TTC39C: variants seen among roughly 807,000 people sequenced by gnomAD.
TTC39C encodes the protein tetratricopeptide repeat protein 39C.
TTC39C carries 33 observed loss-of-function variants against 76.3 expected under a neutral mutation model. The ratio of observed to expected loss-of-function variants is 0.43; its 90% confidence interval spans 0.33 to 0.58. The LOEUF is 0.58. Ranked by LOEUF, TTC39C falls within the 20% of genes least tolerant of loss-of-function variation. The pLI is 0.04. For synonymous variants in TTC39C, 254 were observed against 260.6 expected (o/e 0.97, Z 0.24); for missense variants, 595 against 701.4 (o/e 0.85, Z 1.71).
chr18:24,000,686 G>T (rs1225053758), intron 1 of TTC39C: 2 of 152,210 alleles, frequency 1.3e-5, no homozygotes, highest in Non-Finnish European at 2.9e-5. Context: ...CATGAGACCT[G>T]TGCAGTCACA....
At chr18:24,026,673 C>A (rs532196463) in intron 1 of TTC39C, among the ~76,000 whole-genome samples, 116 of 152,238 alleles carry the variant, frequency 7.6e-4, no homozygotes, top group African/African-American at 2.8e-3. Flanking sequence ...CAGGAAGATA[C>A]GAGTCTGAGC....
chr18:24,002,579 G>A (rs12954281), intron 1 of TTC39C, among the ~76,000 whole-genome samples: 143,490 of 152,242 alleles, frequency 0.94, 68,111 homozygotes, highest in East Asian at 1. Context: ...TTTTTAATGT[G>A]TGGGGATTTC....
Position 24,110,658 on chromosome 18 carries a change from T to C in TTC39C, c.985-3896T>C, listed in dbSNP as rs76637076. On this transcript the variant is annotated intron_variant, in intron 6 of 13. Transcript: ENST00000317571. ...AAGAACTAAAAAATACCTAGGAATA[T>C]ACCTACAAGAGGGCAGGCTGGAATA... Among the ~76,000 whole-genome samples, 1,089 of 152,274 alleles carry C rather than the reference T, an allele frequency of 7.2e-3. 5 individuals carry two copies. The highest frequency in any genetic ancestry group is 0.011 in the Non-Finnish European group (726 of 68,018).
intron 9 of TTC39C, 76 bp downstream of exon 9, chr18:24,124,019 G>A: frequency 3.7e-6 from 4 of 1,072,324 alleles, no homozygotes; most frequent in Non-Finnish European, 5.4e-6. Context: ...GCAAGCTTTA[G>A]GAAATTATAT....
intron 6 of TTC39C, among the ~76,000 whole-genome samples, chr18:24,105,771 C>T (rs1191265943): frequency 1.3e-5 from 2 of 152,238 alleles, no homozygotes; most frequent in Non-Finnish European, 2.9e-5. Context: ...TTTCCCACGG[C>T]TGCCATAACA....
chr18:24,134,553 G>A lies in TTC39C; in HGVS notation c.*1979G>A, dbSNP rs1398672457. ...GCCTCCCAAAGAGCTGGGATTACTG[G>A]TGTGAGCCACCGTGCCCGGCCTGGA... is the stretch of plus-strand genomic sequence containing the variant. On this transcript the variant is annotated 3_prime_UTR_variant, in exon 14 of 14. Coordinates refer to ENST00000317571, the MANE Select transcript of TTC39C (RefSeq NM_001135993.2). 6.6e-6 allele frequency: 1 copy of A among 152,104 alleles called. No individual in the cohort carries two copies. The highest frequency in any genetic ancestry group is 2.4e-5 in the African/African-American group (1 of 41,378). 9.4% of individuals were successfully genotyped at this position (152,104 alleles called of 1,614,324 possible).
intron 1 of TTC39C, among the ~76,000 whole-genome samples, chr18:23,996,128 T>C (rs1183794059): frequency 1.3e-5 from 2 of 152,230 alleles, no homozygotes; most frequent in African/African-American, 4.8e-5. Context: ...TGGAACTTCA[T>C]TGGGGTTTAG....
chr18:24,050,494 G>A (rs113943972), intron 1 of TTC39C, among the ~76,000 whole-genome samples: 2,753 of 147,894 alleles, frequency 0.019, 76 homozygotes, highest in African/African-American at 0.065. Context: ...AGCCCGGGAG[G>A]TCAAGGCTGC....
At chr18:24,130,228 CT>C in intron 11 of TTC39C, 84 bp from the exon 12 acceptor site, 1 of 630,680 alleles carries the variant, frequency 1.6e-6, no homozygotes, top group Non-Finnish European at 2.7e-6. Flanking sequence ...ATGAGTCCCC[CT>C]TCCCGCCCCC....
At chr18:24,003,389 C>T (rs1178794562) in intron 1 of TTC39C, among the ~76,000 whole-genome samples, 2 of 152,176 alleles carry the variant, frequency 1.3e-5, no homozygotes, top group Non-Finnish European at 2.9e-5. Flanking sequence ...GTCTGTCTCA[C>T]CCACTAGACT....
At chr18:24,062,952 G>A (rs1252171564) in intron 1 of TTC39C, among the ~76,000 whole-genome samples, 2 of 152,178 alleles carry the variant, frequency 1.3e-5, no homozygotes, top group African/African-American at 2.4e-5. Flanking sequence ...ATGTAAGTGT[G>A]CACCTTCTCT....
intron 1 of TTC39C, among the ~76,000 whole-genome samples, chr18:24,062,176 G>A (rs190741999): frequency 5.3e-5 from 8 of 152,156 alleles, no homozygotes; most frequent in Admixed American, 1.3e-4. Flanking sequence ...ATTAATTGCC[G>A]CAGCTCTCAG....
rs148757317 is a variant in TTC39C, at chr18:24,077,156, G to A, written c.461-3429G>A. The A allele has an allele frequency of 3.3e-3, 509 of 152,664 alleles. 4 individuals are homozygous for A. The highest frequency in any genetic ancestry group is 0.011 in the African/African-American group (474 of 41,540). The allele number at this position is 152,664 out of a possible 1,614,324, so 9.5% of individuals were successfully genotyped here. On this transcript the variant is annotated intron_variant, in intron 4 of 13. Transcript: ENST00000317571. ...CCCTGCTTCACTCTGCCTCCAAGCC[G>A]CTCGCCCATCTGCTCCTTCCTACTG...
At chr18:24,125,349 T>C in intron 9 of TTC39C, 78 bp from the exon 10 acceptor site, 2 of 1,566,054 alleles carry the variant, frequency 1.3e-6, no homozygotes, top group Admixed American at 3.6e-5. Context: ...AACTGTGTGC[T>C]TTTAAAGTGT....
At chr18:24,019,145 C>T (rs896893118) in intron 1 of TTC39C, among the ~76,000 whole-genome samples, 2 of 152,128 alleles carry the variant, frequency 1.3e-5, no homozygotes, top group Admixed American at 1.3e-4. Context: ...GAGCGTGAGA[C>T]GTTTGGAGCT....
At position 24,080,570 on chromosome 18, in the gene TTC39C, C is replaced by T. The variant is rs753867644; in HGVS notation, c.461-15C>T. 11 of 1,538,082 alleles carry T rather than the reference C, an allele frequency of 7.2e-6. No individual in the cohort carries two copies. Among genetic ancestry groups the T allele is most frequent in the Non-Finnish European group, 8.8e-6 (10 of 1,136,456 alleles). On this transcript the variant is annotated splice_polypyrimidine_tract_variant and intron_variant, in intron 4 of 13. Transcript: ENST00000317571. ...TTTGAATGTTTTTGAATCTTTTCTC[C>T]CCTTCTCTTTTTAGCTTATATCAAA...
At chr18:24,120,701 G>A (rs556467786) in intron 8 of TTC39C, among the ~76,000 whole-genome samples, 4 of 152,084 alleles carry the variant, frequency 2.6e-5, no homozygotes, top group South Asian at 2.1e-4. Flanking sequence ...CCCCATTCAC[G>A]TTTTCCCCGA....
chr18:24,067,229 C>T (rs761707180), intron 3 of TTC39C, among the ~76,000 whole-genome samples: 9 of 152,160 alleles, frequency 5.9e-5, no homozygotes, highest in Non-Finnish European at 1.0e-4. Context: ...TAAAGACCAA[C>T]GTTTTATAAC....
At chr18:24,094,473 G>T (rs1422920606) in intron 6 of TTC39C, among the ~76,000 whole-genome samples, 1 of 152,152 alleles carries the variant, frequency 6.6e-6, no homozygotes. Context: ...AATTTACTTT[G>T]CTCAGATCCA....
Sources: allele counts gnomAD v4.1 joint callset (sites outside exome capture counted in the v4.1 genomes callset), GRCh38; gene constraint gnomAD v4.1.1; transcripts MANE v1.5; gene names NCBI Gene and HGNC (gene_info 2026-07-23, HGNC 2026-07-21).